Variants in DDX23 observed in about 807,000 individuals in gnomAD.
DDX23 encodes the protein DEAD-box helicase 23, also known as probable ATP-dependent RNA helicase DDX23.
A neutral mutation model predicts 102.7 loss-of-function variants in DDX23; 33 were observed. The ratio of observed to expected loss-of-function variants is 0.32; its 90% confidence interval spans 0.24 to 0.43. The LOEUF (loss-of-function observed/expected upper bound fraction) is 0.43, where lower values mean the gene tolerates loss of function less well. Ranked by LOEUF, DDX23 falls within the 20% of genes least tolerant of loss-of-function variation. DDX23 has a pLI of 1.00. For synonymous variants in DDX23, 352 were observed against 376.0 expected, an observed-to-expected ratio of 0.94 and a Z score of 0.74; for missense variants, 549 against 1,086.6, an observed-to-expected ratio of 0.51 and a Z score of 6.96.
At position 48,837,965 on chromosome 12, in the gene DDX23, T is replaced by G; in HGVS notation, c.596A>C (p.Gln199Pro). The G allele has an allele frequency of 6.2e-7, 1 of 1,613,312 alleles. No homozygotes were observed. ...EEERKKRKQF[Q>P]DLGRKMLEDP... ...ACCCAACATCTTCCTGCCCAAGTCT[T>G]GGAACTGTTTCCTTTTCTTCCTCTC... Residue 199 changes from glutamine to proline, a missense_variant, in exon 6 of 17, where the codon CAA (glutamine) becomes CCA (proline). This residue lies in a region of DDX23 where 241 missense variants were observed against 267.0 expected (regional missense o/e 0.90). Coordinates refer to ENST00000308025, the MANE Select transcript of DDX23 (RefSeq NM_004818.3).
chr12:48,838,887 AT>A (rs921009328), intron 5 of DDX23, among the ~76,000 whole-genome samples: 1 of 151,872 alleles, frequency 6.6e-6, no homozygotes, highest in African/African-American at 2.4e-5. Context: ...TGTTATATAT[AT>A]TTTTTGAGAC....
intron 1 of DDX23, among the ~76,000 whole-genome samples, chr12:48,849,660 C>G (rs1306472334): frequency 2.8e-5 from 4 of 144,696 alleles, no homozygotes; most frequent in African/African-American, 1.0e-4. Context: ...CCCTCTGTCT[C>G]GAGAGAAAAA....
rs376993056 is a variant in DDX23, at chr12:48,832,430, T to C, written c.1947A>G (p.Ser649=). Residue 649 remains serine, a synonymous_variant, in exon 14 of 17, where the codon TCA becomes TCG. Transcript: ENST00000308025. This position sits in a 1 kb window ranked among gnomAD's most constrained non-coding sequence, Gnocchi z 4.4. ...CTCAGCTGCCCTCATACCTCTTTTC[T>C]GACTCTGACATGAGGAAGACCTTCT... The part of the protein sequence containing the change: ...VEQKVFLMSE[S]EKRKKLLAIL... 1.1e-5 allele frequency: 18 copies of C among 1,613,224 alleles called. No individual in the cohort carries two copies. The African/African-American group carries it at 1.7e-4, about 16-fold the overall frequency.
rs1388880383 is a variant in DDX23 at position 48,831,268 on chromosome 12, A to T, written c.2113T>A (p.Phe705Ile). Residue 705 changes from phenylalanine (F) to isoleucine (I), a missense_variant, in exon 16 of 17, where the codon TTT becomes ATT. Physicochemically the swap from Phe to Ile is conservative, Grantham distance 21 (BLOSUM62 0). Around this residue, in one of 4 missense-constraint regions of DDX23, gnomAD observed 270 missense variants for 707.0 expected, o/e 0.38. Transcript: ENST00000308025. Reference sequence around the variant, plus strand: ...CCAGCCTTGAGGTTGGACAACGCAAACTCTCGCTGCTCCTGGCCTTTTCCA... The same window carrying T: ...CCAGCCTTGAGGTTGGACAACGCAATCTCTCGCTGCTCCTGGCCTTTTCCA... Reference protein sequence around the residue: ...HGGKGQEQREFALSNLKAGAK... With the variant: ...HGGKGQEQREIALSNLKAGAK... 1.9e-6 allele frequency: 3 copies of T among 1,614,094 alleles called. No individual in the cohort carries two copies. The highest frequency in any genetic ancestry group is 2.5e-6 in the Non-Finnish European group (3 of 1,180,008).
chr12:48,841,431 G>C (rs1183842998), intron 3 of DDX23, among the ~76,000 whole-genome samples: 1 of 152,072 alleles, frequency 6.6e-6, no homozygotes, highest in Middle Eastern at 3.2e-3. Flanking sequence ...AGATAGAAAA[G>C]CTTCAGGCTC....
chr12:48,843,588 G>A (rs1381958461), intron 3 of DDX23, among the ~76,000 whole-genome samples: 2 of 126,666 alleles, frequency 1.6e-5, no homozygotes, highest in East Asian at 2.3e-4. Context: ...TTGCTCTGTC[G>A]CCCAGGCTGG....
chr12:48,845,292 T>G (rs1433016788), intron 2 of DDX23, among the ~76,000 whole-genome samples: 3 of 150,706 alleles, frequency 2.0e-5, no homozygotes, highest in African/African-American at 7.3e-5. Context: ...CTACTAAAAA[T>G]ACAAAAACAT....
chr12:48,849,877 G>C (rs1329314590), intron 1 of DDX23, among the ~76,000 whole-genome samples: 1 of 152,346 alleles, frequency 6.6e-6, no homozygotes, highest in East Asian at 1.9e-4. Flanking sequence ...TGCCTGGGGA[G>C]GATCACCTGA....
chr12:48,845,496 G>C, intron 2 of DDX23, 78 bp downstream of exon 2: 1 of 1,484,544 alleles, frequency 6.7e-7, no homozygotes, highest in Non-Finnish European at 9.4e-7. Flanking sequence ...TAATACTGGA[G>C]GCATCAGAAG....
chr12:48,833,685 CT>C (rs1361020127), intron 12 of DDX23, 166 bp from the exon 13 acceptor site: 5 of 815,594 alleles, frequency 6.1e-6, no homozygotes, highest in Admixed American at 6.1e-5. Flanking sequence ...CATGAAATCA[CT>C]TGTTGCCTGG....
rs1008132522 is a variant in DDX23, at chr12:48,845,720, C to T, written c.63G>A (p.Lys21=). The T allele has an allele frequency of 6.2e-7, 1 of 1,614,112 alleles. No individual in the cohort carries two copies. Among genetic ancestry groups the T allele is most frequent in the Non-Finnish European group, 8.5e-7 (1 of 1,180,052 alleles). ...RDASPSKEER[K]RSRTPDRERD... is the part of the protein sequence containing the mutation. ...GCTCTCTGTCAGGAGTCCGTGATCG[C>T]TTCCTTTCCTCCTTGGAAGGTGATG... The change falls in exon 2 of 17, where the codon AAG becomes AAA. Residue 21 remains lysine (K), a synonymous_variant. Coordinates refer to ENST00000308025, the MANE Select transcript of DDX23 (RefSeq NM_004818.3).
At position 48,838,086 on chromosome 12, in the gene DDX23, A is replaced by T; in HGVS notation, c.481-6T>A. ...GCTTTAGAGAGGAACTTGGGCTACAAAAGAGATTGGAACTGTCAACAAAGG... is the reference window on the plus strand; with the variant it reads ...GCTTTAGAGAGGAACTTGGGCTACATAAGAGATTGGAACTGTCAACAAAGG... On this transcript the variant is annotated splice_region_variant and splice_polypyrimidine_tract_variant and intron_variant, in intron 5 of 16. Transcript: ENST00000308025. The T allele has an allele frequency of 6.2e-7, 1 of 1,614,120 alleles. No homozygotes were observed. The highest frequency in any genetic ancestry group is 8.5e-7 in the Non-Finnish European group (1 of 1,180,012).
rs1448337792 is a variant in DDX23, at chr12:48,838,032, G to A, written c.529C>T (p.Arg177Trp). 1.8e-5 allele frequency: 29 copies of A among 1,614,030 alleles called. No individual in the cohort carries two copies. Among genetic ancestry groups the A allele is most frequent in the South Asian group, 2.2e-5 (2 of 91,084 alleles). The stretch of plus-strand genomic sequence containing the variant: ...TGCCGCTCTTCCACCTCCTGCTGCC[G>A]TCGCTTTAGAGCTTCAGCCTCTCGT... ...AEREAEALKR[R>W]QQEVEERQRM... Residue 177 changes from arginine to tryptophan, a missense_variant, in exon 6 of 17, where the codon CGG (arginine) becomes TGG (tryptophan). Around this residue, in one of 4 missense-constraint regions of DDX23, gnomAD observed 241 missense variants for 267.0 expected, o/e 0.90. Transcript: ENST00000308025.
intron 11 of DDX23, chr12:48,835,165 C>A: frequency 7.6e-6 from 2 of 264,698 alleles, no homozygotes; most frequent in Non-Finnish European, 8.1e-6. Flanking sequence ...GGATATGAGC[C>A]TGGGAGGCAA....
At position 48,839,625 on chromosome 12, in the gene DDX23, A is replaced by G. The variant is rs1188567167; in HGVS notation, c.480+219T>C. On this transcript the variant is annotated intron_variant, in intron 5 of 16. Coordinates refer to ENST00000308025, the MANE Select transcript of DDX23 (RefSeq NM_004818.3). ...AGCCCTAATCCAACACAAGGGGTAC[A>G]TGTGTACAGAGGGAGGACCATGTGA... The G allele has an allele frequency of 2.2e-5, 12 of 533,618 alleles. 1 individual carries two copies. Among genetic ancestry groups the G allele is most frequent in the South Asian group, 1.9e-4 (8 of 42,598 alleles). 33.1% of individuals were successfully genotyped at this position (533,618 alleles called of 1,614,324 possible). A position where few individuals can be genotyped will look rare whatever the true frequency, so the allele number is the denominator to read the frequency against.
chr12:48,837,762 T>G (rs1449014520), intron 6 of DDX23, 105 bp from the exon 7 acceptor site: 5 of 1,549,540 alleles, frequency 3.2e-6, no homozygotes, highest in Non-Finnish European at 3.5e-6. Context: ...AAAAAAGGGG[T>G]AGACTTATGA....
At chr12:48,837,700 GAA>G in intron 6 of DDX23, 43 bp from the exon 7 acceptor site, 1 of 1,609,514 alleles carries the variant, frequency 6.2e-7, no homozygotes, top group Non-Finnish European at 8.5e-7. Context: ...GCTCATGGAA[GAA>G]AAGAGGAGAG....
In DDX23 at chr12:48,839,839, C is replaced by T. The variant is rs1938521533; in HGVS notation, c.480+5G>A. The T allele has an allele frequency of 1.9e-6, 3 of 1,613,988 alleles. No homozygotes were observed. The highest frequency in any genetic ancestry group is 1.1e-5 in the South Asian group (1 of 91,082). ...GCCGATGAATGAAGACCCTCAAGTA[C>T]TTACCTTAGCCTCAGCTTCTTCCTC... On this transcript the variant is annotated splice_donor_5th_base_variant and intron_variant, in intron 5 of 16. Transcript: ENST00000308025.
At position 48,836,584 on chromosome 12, in the gene DDX23, A is replaced by G; in HGVS notation, c.1221T>C (p.Asp407=). The change falls in exon 10 of 17, where the codon GAT becomes GAC. Residue 407 remains aspartate (D), a synonymous_variant. Coordinates refer to ENST00000308025, the MANE Select transcript of DDX23 (RefSeq NM_004818.3). This position sits in a 1 kb window ranked among gnomAD's most constrained non-coding sequence, Gnocchi z 6.1. ...CCCTCCTTACCTTGTAGCCACACTT[A>G]TCAATGACCTCCAAGATGTGTGGGG... ...SLPPHILEVI[D]KCGYKEPTPI... The G allele has an allele frequency of 6.2e-7, 1 of 1,613,510 alleles. No homozygotes were observed. The highest frequency in any genetic ancestry group is 8.5e-7 in the Non-Finnish European group (1 of 1,179,936).
Sources: gnomAD v4.1 joint callset for allele counts (sites outside exome capture counted in the v4.1 genomes callset) on GRCh38, gnomAD v4.1.1 for gene constraint, gnomAD v4.1.1 regional missense constraint, Gnocchi (gnomAD v3.1) non-coding constraint, MANE v1.5 for transcripts, NCBI Gene and HGNC (gene_info 2026-07-23, HGNC 2026-07-21) for gene names.